Variants in DHX35 observed in about 807,000 individuals in gnomAD.
DHX35 encodes the protein probable ATP-dependent RNA helicase DHX35.
In DHX35, 84 loss-of-function variants were observed where a neutral mutation model predicts 99.6. That is an observed-to-expected ratio of 0.84 (90% CI 0.71 to 1.01). The LOEUF (loss-of-function observed/expected upper bound fraction) is 1.01. Among genes scored for constraint, DHX35 ranks in the 50% least tolerant of loss-of-function variants. DHX35 has a pLI of 0.00. For synonymous variants in DHX35, 331 were observed against 316.2 expected (o/e 1.05, Z -0.50); for missense variants, 852 against 888.5 (o/e 0.96, Z 0.52).
At chr20:39,030,510 T>TATCATTAAAA in intron 19 of DHX35, 194 bp from the exon 20 acceptor site, 1 of 565,670 alleles carries the variant, frequency 1.8e-6, no homozygotes, top group Admixed American at 3.3e-5. Context: ...TTTTTCCACG[T>TATCATTAAAA]GATTTATTCT....
intron 3 of DHX35, chr20:38,977,698 A>G (rs2086103014): frequency 5.3e-6 from 2 of 374,218 alleles, no homozygotes; most frequent in Non-Finnish European, 1.0e-5. Context: ...AAGAACAGCC[A>G]GATATCAACT....
At chr20:38,963,511 A>G (rs1220509872) in intron 1 of DHX35, among the ~76,000 whole-genome samples, 1 of 152,256 alleles carries the variant, frequency 6.6e-6, no homozygotes, top group Non-Finnish European at 1.5e-5. Context: ...TCAAGTCATC[A>G]GCCAATTATC....
chr20:38,978,687 T>A (rs149828298), intron 3 of DHX35, among the ~76,000 whole-genome samples: 303 of 152,360 alleles, frequency 2.0e-3, no homozygotes, highest in African/African-American at 7.1e-3. Context: ...AGAAGCTTTT[T>A]AATTTGATGC....
At chr20:38,989,656 T>A (rs1211783505) in intron 5 of DHX35, among the ~76,000 whole-genome samples, 1 of 152,128 alleles carries the variant, frequency 6.6e-6, no homozygotes, top group Non-Finnish European at 1.5e-5. Flanking sequence ...GTAAAAGGCT[T>A]AAAAATAGAG....
At chr20:39,013,802 A>G in intron 13 of DHX35, among the ~76,000 whole-genome samples, 1 of 152,250 alleles carries the variant, frequency 6.6e-6, no homozygotes, top group East Asian at 1.9e-4. Flanking sequence ...GATCATTTAC[A>G]TGATTTGCTC....
intron 20 of DHX35, among the ~76,000 whole-genome samples, chr20:39,031,306 G>A (rs1479069236): frequency 6.6e-6 from 1 of 151,250 alleles, no homozygotes; most frequent in Non-Finnish European, 1.5e-5. Context: ...GCTATGCAGA[G>A]ATGAATTGGG....
At chr20:39,035,364 G>A (rs181527917) in intron 21 of DHX35, among the ~76,000 whole-genome samples, 18 of 152,324 alleles carry the variant, frequency 1.2e-4, no homozygotes, top group Admixed American at 6.5e-4. Flanking sequence ...GAGCCACCAC[G>A]CCCAGCTCCT....
intron 21 of DHX35, among the ~76,000 whole-genome samples, chr20:39,037,615 G>A (rs2087176866): frequency 1.3e-5 from 2 of 152,224 alleles, no homozygotes; most frequent in Non-Finnish European, 2.9e-5. Context: ...CAGCTCCGGA[G>A]CAGTCAGGGT....
intron 8 of DHX35, among the ~76,000 whole-genome samples, chr20:38,996,817 T>A (rs2086437168): frequency 6.6e-6 from 1 of 152,126 alleles, no homozygotes; most frequent in Non-Finnish European, 1.5e-5. Context: ...TTAAAGCTCC[T>A]CTGTTGCCCT....
chr20:39,011,065 A>G lies in DHX35; in HGVS notation c.1347+661A>G, dbSNP rs573666397. On this transcript the variant is annotated intron_variant, in intron 13 of 21. Transcript: ENST00000252011. ...GAGAGAGGAAATCACCTTTATTATAATTATTTTTAAATTTTTCATAAGATA... is the reference window on the plus strand; with the variant it reads ...GAGAGAGGAAATCACCTTTATTATAGTTATTTTTAAATTTTTCATAAGATA... 3.9e-5 allele frequency among the ~76,000 whole-genome samples: 6 copies of G among 152,010 alleles called. No homozygotes were observed. The East Asian group carries it at 1.2e-3, about 29-fold the overall frequency.
rs146065766 is a variant in DHX35 at position 38,968,751 on chromosome 20, C to T, written c.41-330C>T. 9.9e-4 allele frequency among the ~76,000 whole-genome samples: 150 copies of T among 152,240 alleles called. 1 individual carries two copies. Among genetic ancestry groups the T allele is most frequent in the South Asian group, 5.6e-3 (27 of 4,830 alleles). ...TATTTTAGTACAGGTGGGGTTTCACCTTGTTGCCCAGACTGGTCTCTAACC... is the reference window on the plus strand; with the variant it reads ...TATTTTAGTACAGGTGGGGTTTCACTTTGTTGCCCAGACTGGTCTCTAACC... On this transcript the variant is annotated intron_variant, in intron 1 of 21. Transcript: ENST00000252011.
chr20:39,004,467 C>T (rs1419931293), intron 11 of DHX35, among the ~76,000 whole-genome samples: 3 of 152,140 alleles, frequency 2.0e-5, no homozygotes, highest in Non-Finnish European at 4.4e-5. Context: ...CTAATATTTC[C>T]CACGACACAT....
At chr20:39,037,383 G>T (rs2087171583) in intron 21 of DHX35, among the ~76,000 whole-genome samples, 1 of 152,192 alleles carries the variant, frequency 6.6e-6, no homozygotes, top group Admixed American at 6.5e-5. Flanking sequence ...CTTTGCAAGA[G>T]CCTGTAGTAG....
chr20:39,020,452 G>A (rs901868059), intron 15 of DHX35, among the ~76,000 whole-genome samples: 1 of 152,068 alleles, frequency 6.6e-6, no homozygotes, highest in Non-Finnish European at 1.5e-5. Flanking sequence ...AAGTCTTCTC[G>A]TAATTAGAAA....
chr20:38,962,555 C>T (rs974560), intron 1 of DHX35, 148 bp downstream of exon 1: 316,423 of 964,498 alleles, frequency 0.33, 52,723 homozygotes, highest in Middle Eastern at 0.41. Flanking sequence ...GGAGCTCTGG[C>T]TCAGGCTCCC....
intron 13 of DHX35, among the ~76,000 whole-genome samples, chr20:39,014,246 T>C (rs1460492813): frequency 6.6e-6 from 1 of 152,220 alleles, no homozygotes; most frequent in African/African-American, 2.4e-5. Context: ...TGCCTGGCAC[T>C]TAGGTGCTCA....
chr20:39,007,353 G>A (rs2086635474), intron 12 of DHX35, among the ~76,000 whole-genome samples: 1 of 152,210 alleles, frequency 6.6e-6, no homozygotes, highest in Admixed American at 6.5e-5. Flanking sequence ...GTCTGGTGGT[G>A]GAGGTAGACC....
intron 14 of DHX35, among the ~76,000 whole-genome samples, chr20:39,016,680 T>C (rs1466019741): frequency 6.6e-6 from 1 of 152,196 alleles, no homozygotes; most frequent in Non-Finnish European, 1.5e-5. Context: ...TTGTTGCCAA[T>C]GCTTGTAATT....
Position 39,034,326 on chromosome 20 carries a change from G to A in DHX35, c.2067+9G>A, listed in dbSNP as rs199562086. On this transcript the variant is annotated intron_variant, in intron 21 of 21. Coordinates refer to ENST00000252011, the MANE Select transcript of DHX35 (RefSeq NM_021931.4). ...TTTATCAACAAGGAACGGTAGGAAT[G>A]AACTGAGTCTGTGCCCCAGCCACCT... 4.1e-5 allele frequency: 66 copies of A among 1,610,148 alleles called. No individual in the cohort carries two copies. The East Asian group carries it at 1.4e-3, about 35-fold the overall frequency.
Sources: allele counts gnomAD v4.1 joint callset (sites outside exome capture counted in the v4.1 genomes callset), GRCh38; gene constraint gnomAD v4.1.1; transcripts MANE v1.5; gene names NCBI Gene and HGNC (gene_info 2026-07-23, HGNC 2026-07-21).